Variants in PLPBP observed in about 807,000 individuals in gnomAD.
The protein encoded by PLPBP is pyridoxal phosphate binding protein.
Under a neutral mutation model 31.2 loss-of-function variants are expected in PLPBP, and 21 were observed. That is an observed-to-expected ratio of 0.67 (90% confidence interval 0.48 to 0.97). PLPBP has a LOEUF of 0.97. Among genes scored for constraint, PLPBP ranks in the 50% least tolerant of loss-of-function variants. The probability of loss-of-function intolerance (pLI) is 0.00; values close to 1 mark genes in which losing one functional copy is unlikely to be tolerated. For missense variants in PLPBP, 308 were observed against 354.4 expected (o/e 0.87, Z 1.05); for synonymous variants, 124 against 135.6 (o/e 0.91, Z 0.59).
In PLPBP at chr8:37,776,656, A is replaced by G. The variant is rs115585314; in HGVS notation, c.696+640A>G. On this transcript the variant is annotated intron_variant, in intron 7 of 7. Transcript: ENST00000328195. ...AAACATAATTCCATAAGTGTAGTCT[A>G]AAGGAAAATAAGAAATTAAGCTATA... 8.8e-3 allele frequency among the ~76,000 whole-genome samples: 1,342 copies of G among 152,214 alleles called. 18 individuals are homozygous for G. The highest frequency in any genetic ancestry group is 0.031 in the African/African-American group (1,287 of 41,550).
In PLPBP at chr8:37,762,704, C is replaced by T. The variant is rs1315599677; in HGVS notation, c.45C>T (p.Cys15=). The change falls in exon 1 of 8, where the codon TGC becomes TGT. Residue 15 remains cysteine (C), a synonymous_variant. Coordinates refer to ENST00000328195, the MANE Select transcript of PLPBP (RefSeq NM_007198.4). ...GSMSAELGVG[C]ALRAVNERVQ... ...TGTCGGCCGAGCTGGGAGTCGGGTG[C>T]GCATTGCGGGCGGTGAACGAGCGCG... The T allele has an allele frequency of 7.5e-6, 12 of 1,590,644 alleles. No individual in the cohort carries two copies. The highest frequency in any genetic ancestry group is 2.3e-5 in the East Asian group (1 of 44,230).
At position 37,772,865 on chromosome 8, in the gene PLPBP, C is replaced by T. The variant is rs1245650548; in HGVS notation, c.430C>T (p.Gln144Ter). ...TCCTGAAAGGTTAAAGGTTATGGTC[C>T]AGATTAACACCAGCGGAGAAGAGAG... Reference protein sequence around the residue: ...GSPERLKVMVQINTSGEESKH... With the variant: ...GSPERLKVMV The change falls in exon 5 of 8, where the codon CAG (glutamine) becomes TAG (stop). Residue 144 changes from glutamine to a stop codon, truncating the protein, a stop_gained. Transcript: ENST00000328195. LOFTEE classifies it high-confidence loss of function. The T allele has an allele frequency of 6.2e-7, 1 of 1,614,022 alleles. No individual in the cohort carries two copies. Among genetic ancestry groups the T allele is most frequent in the African/African-American group, 1.3e-5 (1 of 74,926 alleles).
rs140561536 is a variant in PLPBP at position 37,766,219 on chromosome 8, G to A, written c.244-61G>A. 8.9e-4 allele frequency: 1,183 copies of A among 1,335,198 alleles called. 3 individuals carry two copies. The highest frequency in any genetic ancestry group is 4.9e-3 in the Middle Eastern group (27 of 5,470). 82.7% of individuals were successfully genotyped at this position (1,335,198 alleles called of 1,614,324 possible). A position where few individuals can be genotyped will look rare whatever the true frequency, so the allele number is the denominator to read the frequency against. Reference sequence around the variant, plus strand: ...AAAGGTGACAGGGAGTGCACGAGGCGTTTGAGCCAGCAAGGCCTCTATAAA... The same window carrying A: ...AAAGGTGACAGGGAGTGCACGAGGCATTTGAGCCAGCAAGGCCTCTATAAA... On this transcript the variant is annotated intron_variant, in intron 3 of 7. Coordinates refer to ENST00000328195, the MANE Select transcript of PLPBP (RefSeq NM_007198.4).
intron 7 of PLPBP, among the ~76,000 whole-genome samples, chr8:37,776,478 C>CAAAAAAAAAAA (rs915875297): frequency 2.8e-4 from 3 of 10,632 alleles, no homozygotes; most frequent in Non-Finnish European, 3.5e-4. Flanking sequence ...GACTCCATCT[C>CAAAAAAAAAAA]AAAAAAAAAA....
Position 37,775,976 on chromosome 8 carries a change from T to C in PLPBP, c.656T>C (p.Val219Ala), listed in dbSNP as rs1803893984. 6.2e-7 allele frequency: 1 copy of C among 1,614,068 alleles called. No homozygotes were observed. Among genetic ancestry groups the C allele is most frequent in the African/African-American group, 1.3e-5 (1 of 75,052 alleles). ...CKKLNIPADQ[V>A]ELSMGMSADF... ...AAGCTGAACATCCCTGCTGACCAGGTTGAGCTGAGCATGGGCATGTCCGCG... is the reference window on the plus strand; with the variant it reads ...AAGCTGAACATCCCTGCTGACCAGGCTGAGCTGAGCATGGGCATGTCCGCG... The change falls in exon 7 of 8, where the codon GTT becomes GCT. Residue 219 changes from valine to alanine, a missense_variant. Transcript: ENST00000328195.
intron 3 of PLPBP, among the ~76,000 whole-genome samples, 197 bp from the exon 4 acceptor site, chr8:37,766,083 G>C (rs1279507070): frequency 6.6e-6 from 1 of 152,126 alleles, no homozygotes; most frequent in Non-Finnish European, 1.5e-5. Flanking sequence ...TGGGAACAAG[G>C]AAGGAAAACA....
At position 37,778,944 on chromosome 8, in the gene PLPBP, C is replaced by T. The variant is rs1237922952; in HGVS notation, c.*840C>T. On this transcript the variant is annotated 3_prime_UTR_variant, in exon 8 of 8. Transcript: ENST00000328195. ...AAAAAAAAAAAAAAATCCCAATAGT[C>T]CATGAAGGCTTTGATCTCTTGGGAA... 6.6e-6 allele frequency: 1 copy of T among 151,942 alleles called. No individual in the cohort carries two copies. Among genetic ancestry groups the T allele is most frequent in the Non-Finnish European group, 1.5e-5 (1 of 68,012 alleles). The allele number at this position is 151,942 out of a possible 1,614,324, so 9.4% of individuals were successfully genotyped here.
chr8:37,769,642 A>C (rs1803721576), intron 4 of PLPBP, among the ~76,000 whole-genome samples: 1 of 152,204 alleles, frequency 6.6e-6, no homozygotes. Flanking sequence ...AGATTTGTAA[A>C]AAATCAAAAA....
chr8:37,766,238 C>T (rs747789661), intron 3 of PLPBP, 42 bp from the exon 4 acceptor site: 2 of 1,520,094 alleles, frequency 1.3e-6, no homozygotes, highest in South Asian at 1.2e-5. Context: ...AGCAAGGCCT[C>T]TATAAAATCT....
At chr8:37,776,304 C>T (rs1192817253) in intron 7 of PLPBP, among the ~76,000 whole-genome samples, 4 of 151,970 alleles carry the variant, frequency 2.6e-5, no homozygotes, top group East Asian at 3.9e-4. Context: ...GGTGAAACCC[C>T]GTCTCTCCTA....
intron 5 of PLPBP, among the ~76,000 whole-genome samples, chr8:37,774,049 A>G (rs1474140605): frequency 6.6e-6 from 1 of 151,940 alleles, no homozygotes; most frequent in Non-Finnish European, 1.5e-5. Context: ...CATCTCTACC[A>G]TACATACAAA....
At chr8:37,775,578 C>T (rs1167567557) in intron 6 of PLPBP, 97 bp downstream of exon 6, 1 of 1,515,716 alleles carries the variant, frequency 6.6e-7, no homozygotes, top group Non-Finnish European at 9.0e-7. Flanking sequence ...AGAGTCATCC[C>T]AGACACTGCC....
intron 4 of PLPBP, among the ~76,000 whole-genome samples, chr8:37,770,989 G>C (rs985846397): frequency 6.6e-6 from 1 of 152,168 alleles, no homozygotes; most frequent in Non-Finnish European, 1.5e-5. Flanking sequence ...TTTCCCTTCT[G>C]GATGATCCGT....
intron 5 of PLPBP, among the ~76,000 whole-genome samples, chr8:37,773,468 C>G (rs1239749260): frequency 7.0e-6 from 1 of 143,496 alleles, no homozygotes; most frequent in Non-Finnish European, 1.5e-5. Flanking sequence ...CCACACTCAG[C>G]CTTTTTTTTT....
intron 4 of PLPBP, among the ~76,000 whole-genome samples, chr8:37,771,239 G>A (rs1803761146): frequency 1.3e-5 from 2 of 151,842 alleles, no homozygotes; most frequent in African/African-American, 4.8e-5. Context: ...CAGATTGAAG[G>A]AATTCTCCTA....
intron 6 of PLPBP, among the ~76,000 whole-genome samples, 171 bp from the exon 7 acceptor site, chr8:37,775,747 T>C (rs894599400): frequency 2.0e-5 from 3 of 152,246 alleles, no homozygotes; most frequent in African/African-American, 7.2e-5. Context: ...CTAATAGTTT[T>C]CTCGAAAGTG....
At chr8:37,777,690 C>T (rs1343939885) in intron 7 of PLPBP, among the ~76,000 whole-genome samples, 1 of 152,200 alleles carries the variant, frequency 6.6e-6, no homozygotes, top group Non-Finnish European at 1.5e-5. Flanking sequence ...TCTCCTGCTT[C>T]AGCCTCCCGA....
In PLPBP at chr8:37,765,496, T is replaced by A. The variant is rs370048097; in HGVS notation, c.100-30T>A. On this transcript the variant is annotated intron_variant, in intron 1 of 7. Transcript: ENST00000328195. Reference sequence around the variant, plus strand: ...TCATTGGGGTACTGTTCCCAAACATTCACTCATATGGCTCTTTCCCTCTTG... The same window carrying A: ...TCATTGGGGTACTGTTCCCAAACATACACTCATATGGCTCTTTCCCTCTTG... 9 of 1,593,980 alleles carry A rather than the reference T, an allele frequency of 5.6e-6. No homozygotes were observed. In the African/African-American group the frequency reaches 1.1e-4, roughly 19 times the overall value.
chr8:37,777,462 A>T lies in PLPBP; in HGVS notation c.697-511A>T, dbSNP rs142969736. Among the ~76,000 whole-genome samples the T allele has an allele frequency of 8.7e-3, 1,318 of 152,236 alleles. 18 individuals carry two copies. The highest frequency in any genetic ancestry group is 0.03 in the African/African-American group (1,265 of 41,538). ...CTCCAACCACTGGAAATCCAGAGAA[A>T]CCCAACTTGTTTCCTATATATGCCC... On this transcript the variant is annotated intron_variant, in intron 7 of 7. Coordinates refer to ENST00000328195, the MANE Select transcript of PLPBP (RefSeq NM_007198.4).
Sources: allele counts gnomAD v4.1 joint callset (sites outside exome capture counted in the v4.1 genomes callset), GRCh38; gene constraint gnomAD v4.1.1; transcripts MANE v1.5; gene names NCBI Gene and HGNC (gene_info 2026-07-23, HGNC 2026-07-21).